PPP1R9A: variants seen among roughly 807,000 people sequenced by gnomAD.
PPP1R9A encodes the protein neurabin-1.
PPP1R9A carries 59 observed loss-of-function variants against 141.9 expected under a neutral mutation model. That is an observed-to-expected ratio of 0.42 (90% CI 0.34 to 0.52). PPP1R9A has a LOEUF of 0.52. Ranked by LOEUF, PPP1R9A falls within the 20% of genes least tolerant of loss-of-function variation. PPP1R9A has a pLI of 0.10. For synonymous variants in PPP1R9A, 500 were observed against 569.7 expected (o/e 0.88, Z 1.74); for missense variants, 1,444 against 1,611.9 (o/e 0.90, Z 1.78).
chr7:95,211,990 T>C (rs1792238196), intron 7 of PPP1R9A, among the ~76,000 whole-genome samples: 1 of 152,084 alleles, frequency 6.6e-6, no homozygotes, highest in Admixed American at 6.6e-5. Flanking sequence ...TCCCTGTCTC[T>C]AATCAATCAA....
chr7:95,274,257 A>C, intron 16 of PPP1R9A, 89 bp downstream of exon 16: 1 of 1,201,928 alleles, frequency 8.3e-7, no homozygotes, highest in East Asian at 2.5e-5. Flanking sequence ...AGTGGTCAGT[A>C]TCTTTGAGCT....
chr7:95,269,569 T>G, intron 14 of PPP1R9A, 62 bp downstream of exon 14: 7 of 1,329,978 alleles, frequency 5.3e-6, no homozygotes, highest in Non-Finnish European at 6.0e-6. Context: ...AAAAATGACT[T>G]TTTCTCATAA....
chr7:95,116,668 A>G (rs537024723), intron 3 of PPP1R9A, among the ~76,000 whole-genome samples: 1 of 152,312 alleles, frequency 6.6e-6, no homozygotes, highest in East Asian at 1.9e-4. Flanking sequence ...GAATTGCAAA[A>G]AACAGTATTA....
At chr7:95,005,698 C>T (rs1272166587) in intron 2 of PPP1R9A, among the ~76,000 whole-genome samples, 1 of 152,060 alleles carries the variant, frequency 6.6e-6, no homozygotes, top group Non-Finnish European at 1.5e-5. Context: ...TGGTCAGCAC[C>T]TGCCAAGAAA....
chr7:94,929,207 A>G (rs1055801931), intron 2 of PPP1R9A, among the ~76,000 whole-genome samples: 10 of 152,244 alleles, frequency 6.6e-5, no homozygotes, highest in Non-Finnish European at 1.0e-4. Context: ...GCTAGGCAGT[A>G]TGCTAATCAC....
chr7:95,183,699 G>A (rs1349186610), intron 5 of PPP1R9A, among the ~76,000 whole-genome samples: 19 of 151,602 alleles, frequency 1.3e-4, no homozygotes, highest in African/African-American at 7.3e-5. Flanking sequence ...CACCCGCCTC[G>A]GGCTCCCAAA....
chr7:94,976,730 C>A (rs1799492378), intron 2 of PPP1R9A, among the ~76,000 whole-genome samples: 1 of 152,080 alleles, frequency 6.6e-6, no homozygotes, highest in Non-Finnish European at 1.5e-5. Context: ...GAATGTTTTA[C>A]TTTGATGGGA....
chr7:95,111,045 T>G (rs1820460789), intron 2 of PPP1R9A, among the ~76,000 whole-genome samples: 1 of 152,210 alleles, frequency 6.6e-6, no homozygotes, highest in Non-Finnish European at 1.5e-5. Flanking sequence ...CTTAAATGAT[T>G]AAAAGTGGTA....
chr7:95,250,713 A>G (rs1367987475), intron 10 of PPP1R9A, among the ~76,000 whole-genome samples: 2 of 152,166 alleles, frequency 1.3e-5, no homozygotes, highest in Non-Finnish European at 2.9e-5. Context: ...GACAGTGCAC[A>G]TATCGACTAG....
intron 5 of PPP1R9A, among the ~76,000 whole-genome samples, chr7:95,190,338 T>C (rs981704744): frequency 6.6e-6 from 1 of 152,218 alleles, no homozygotes; most frequent in African/African-American, 2.4e-5. Context: ...TCTGTGTTAG[T>C]GCTGGGAAAT....
chr7:95,213,622 C>T (rs1792621411), intron 7 of PPP1R9A, among the ~76,000 whole-genome samples: 1 of 152,130 alleles, frequency 6.6e-6, no homozygotes, highest in Admixed American at 6.6e-5. Context: ...CCACGCCCAG[C>T]CTGGTTATAC....
intron 2 of PPP1R9A, among the ~76,000 whole-genome samples, chr7:95,020,038 C>T (rs1805691297): frequency 8.3e-6 from 1 of 120,196 alleles, no homozygotes; most frequent in Non-Finnish European, 1.9e-5. Flanking sequence ...ATGGCTATAT[C>T]ATTATCATCA....
chr7:95,076,045 C>T (rs185621876), intron 2 of PPP1R9A, among the ~76,000 whole-genome samples: 68 of 152,150 alleles, frequency 4.5e-4, no homozygotes, highest in Middle Eastern at 3.4e-3. Context: ...GTCATCTTTA[C>T]GAAAGGAAAT....
At chr7:95,187,856 G>A (rs771396938) in intron 5 of PPP1R9A, among the ~76,000 whole-genome samples, 4 of 152,008 alleles carry the variant, frequency 2.6e-5, no homozygotes, top group Non-Finnish European at 5.9e-5. Context: ...TTCCCCTGTG[G>A]TCTGAGAGGG....
intron 6 of PPP1R9A, among the ~76,000 whole-genome samples, chr7:95,201,371 C>T (rs1585215509): frequency 6.6e-6 from 1 of 152,080 alleles, no homozygotes; most frequent in Admixed American, 6.5e-5. Flanking sequence ...GGGTTTTTTC[C>T]CTTTCTTGTA....
rs1195472831 is a variant in PPP1R9A, at chr7:95,290,687, G to C, written c.*384G>C. On this transcript the variant is annotated 3_prime_UTR_variant, in exon 20 of 20. Coordinates refer to ENST00000433360, the MANE Select transcript of PPP1R9A (RefSeq NM_001166160.2). ...TGGAGCGCCGTGAATTTTCAGTGTGGGATCCTGAAATGGCAATTGCACATG... is the reference window on the plus strand; with the variant it reads ...TGGAGCGCCGTGAATTTTCAGTGTGCGATCCTGAAATGGCAATTGCACATG... The C allele has an allele frequency of 9.5e-6, 2 of 210,142 alleles. No individual in the cohort carries two copies. Among genetic ancestry groups the C allele is most frequent in the Non-Finnish European group, 1.9e-5 (2 of 102,818 alleles). The allele number at this position is 210,142 out of a possible 1,614,324, so 13.0% of individuals were successfully genotyped here. A position where few individuals can be genotyped will look rare whatever the true frequency, so the allele number is the denominator to read the frequency against.
At chr7:95,220,303 G>A (rs1794228192) in intron 7 of PPP1R9A, among the ~76,000 whole-genome samples, 1 of 152,080 alleles carries the variant, frequency 6.6e-6, no homozygotes, top group African/African-American at 2.4e-5. Flanking sequence ...TTCTCTCACA[G>A]AAGTGCGTCT....
intron 1 of PPP1R9A, among the ~76,000 whole-genome samples, 174 bp from the exon 2 acceptor site, chr7:94,909,724 T>TA (rs1554407193): frequency 2.6e-5 from 4 of 150,992 alleles, no homozygotes; most frequent in Non-Finnish European, 5.9e-5. Flanking sequence ...TTTTTTTTTT[T>TA]ACCAAAGACC....
intron 7 of PPP1R9A, among the ~76,000 whole-genome samples, chr7:95,205,155 G>A (rs1790517025): frequency 6.6e-6 from 1 of 152,082 alleles, no homozygotes; most frequent in Non-Finnish European, 1.5e-5. Flanking sequence ...TGGGTAAAGG[G>A]GAGATACAGG....
Sources: gnomAD v4.1 joint callset for allele counts (sites outside exome capture counted in the v4.1 genomes callset) on GRCh38, gnomAD v4.1.1 for gene constraint, MANE v1.5 for transcripts, NCBI Gene and HGNC (gene_info 2026-07-23, HGNC 2026-07-21) for gene names.